The following BAIAP2L1 variants were observed in gnomAD, a reference collection of about 807,000 sequenced individuals.
BAIAP2L1 encodes BAR/IMD domain containing adaptor protein 2 like 1.
BAIAP2L1 carries 35 observed loss-of-function variants against 66.3 expected under a neutral mutation model. The observed-to-expected ratio is 0.53, with a 90% confidence interval of 0.40 to 0.70. BAIAP2L1 has a LOEUF of 0.70. BAIAP2L1 is among the 30% of genes least tolerant of loss of function. BAIAP2L1 has a pLI of 0.00. For missense variants in BAIAP2L1, 622 were observed against 656.9 expected, an observed-to-expected ratio of 0.95 and a Z score of 0.58; for synonymous variants, 269 against 248.7, an observed-to-expected ratio of 1.08 and a Z score of -0.77.
At chr7:98,328,972 T>C (rs1177303198) in intron 3 of BAIAP2L1, among the ~76,000 whole-genome samples, 1 of 152,210 alleles carries the variant, frequency 6.6e-6, no homozygotes, top group African/African-American at 2.4e-5. Flanking sequence ...TTTATTTTCC[T>C]CTATCTTTTA....
intron 3 of BAIAP2L1, among the ~76,000 whole-genome samples, chr7:98,323,790 GC>G (rs546118246): frequency 1.8e-4 from 27 of 152,328 alleles, no homozygotes; most frequent in African/African-American, 6.5e-4. Flanking sequence ...GCAGCTGGCC[GC>G]CGCGGAGTCA....
At chr7:98,368,221 C>T (rs1243017010) in intron 1 of BAIAP2L1, among the ~76,000 whole-genome samples, 1 of 152,060 alleles carries the variant, frequency 6.6e-6, no homozygotes, top group Non-Finnish European at 1.5e-5. Flanking sequence ...GAGTTCAAGA[C>T]CAGCCTGGCC....
intron 3 of BAIAP2L1, among the ~76,000 whole-genome samples, chr7:98,338,147 G>A (rs183917275): frequency 3.9e-5 from 6 of 152,092 alleles, no homozygotes; most frequent in South Asian, 2.1e-4. Flanking sequence ...AAGAGATGCC[G>A]TTAGGCGGGG....
intron 3 of BAIAP2L1, among the ~76,000 whole-genome samples, chr7:98,345,452 C>T (rs1255293341): frequency 1.3e-5 from 2 of 152,014 alleles, no homozygotes; most frequent in East Asian, 2.0e-4. Context: ...TGGCTGGGCA[C>T]GGTGGCTCAC....
At chr7:98,356,541 G>T (rs1400652196) in intron 2 of BAIAP2L1, among the ~76,000 whole-genome samples, 1 of 151,468 alleles carries the variant, frequency 6.6e-6, no homozygotes, top group Non-Finnish European at 1.5e-5. Context: ...CTTTCACCCA[G>T]GCTGGAGTGC....
At chr7:98,375,335 A>AG (rs2115779323) in intron 1 of BAIAP2L1, among the ~76,000 whole-genome samples, 1 of 149,710 alleles carries the variant, frequency 6.7e-6, no homozygotes, top group Non-Finnish European at 1.5e-5. Flanking sequence ...CGGAGGTTGC[A>AG]GTGAGCCGAC....
intron 10 of BAIAP2L1, 24 bp downstream of exon 10, chr7:98,307,665 G>C (rs374666080): frequency 6.2e-7 from 1 of 1,612,428 alleles, no homozygotes; most frequent in African/African-American, 1.3e-5. Flanking sequence ...GGTGCCCTGC[G>C]GGGACCATCA....
rs1160836941 is a variant in BAIAP2L1 at position 98,317,247 on chromosome 7, G to A, written c.458C>T (p.Ala153Val). 1 of 1,614,122 alleles carries A rather than the reference G, an allele frequency of 6.2e-7. No homozygotes were observed. Among genetic ancestry groups the A allele is most frequent in the Non-Finnish European group, 8.5e-7 (1 of 1,180,058 alleles). ...AATTTCTTTGTGTTCATATTTGAGT[G>A]CGTTTCGGCTTCCTTGGCTTTTCCT... ...IRRKSQGSRNALKYEHKEIEY... is the reference protein window; with the variant it reads ...IRRKSQGSRNVLKYEHKEIEY... The change falls in exon 6 of 14, where the codon GCA becomes GTA. Residue 153 changes from alanine to valine, a missense_variant. Transcript: ENST00000005260.
chr7:98,330,778 C>A (rs979789166), intron 3 of BAIAP2L1, among the ~76,000 whole-genome samples: 1 of 152,156 alleles, frequency 6.6e-6, no homozygotes, highest in Admixed American at 6.5e-5. Flanking sequence ...CAGAAGGCAA[C>A]GTGGGCACAG....
intron 2 of BAIAP2L1, 89 bp downstream of exon 2, chr7:98,362,268 T>TATTTAAAAATTCAATACTAAGC (rs1802284469): frequency 7.0e-6 from 7 of 993,504 alleles, no homozygotes; most frequent in Non-Finnish European, 1.1e-5. Flanking sequence ...CACTTAAAGG[T>TATTTAAAAATTCAATACTAAGC]ATTTAAAAAT....
intron 5 of BAIAP2L1, among the ~76,000 whole-genome samples, chr7:98,319,545 T>TG (rs1194447470): frequency 2.8e-5 from 4 of 143,312 alleles, no homozygotes; most frequent in African/African-American, 1.0e-4. Flanking sequence ...CTTTTTCCTA[T>TG]GCCTTTTTTT....
chr7:98,398,790 G>A (rs1453737107), intron 1 of BAIAP2L1, among the ~76,000 whole-genome samples: 7 of 152,116 alleles, frequency 4.6e-5, no homozygotes, highest in Non-Finnish European at 8.8e-5. Flanking sequence ...AGGAAGAAGC[G>A]GGAGAAAAAA....
intron 1 of BAIAP2L1, among the ~76,000 whole-genome samples, chr7:98,389,187 C>T (rs1482515816): frequency 6.6e-6 from 1 of 152,098 alleles, no homozygotes; most frequent in Non-Finnish European, 1.5e-5. Context: ...CTCCCCTCCC[C>T]CAACAGGCAG....
At chr7:98,324,895 TAA>T (rs1195032456) in intron 3 of BAIAP2L1, among the ~76,000 whole-genome samples, 6 of 152,220 alleles carry the variant, frequency 3.9e-5, no homozygotes, top group African/African-American at 1.2e-4. Flanking sequence ...CATGTAGGCA[TAA>T]AGATTCTTTC....
At chr7:98,388,724 A>G (rs139695555) in intron 1 of BAIAP2L1, among the ~76,000 whole-genome samples, 4,441 of 152,280 alleles carry the variant, frequency 0.029, 89 homozygotes, top group South Asian at 0.082. Context: ...CTGTAATCCC[A>G]GCACTTTGGG....
In BAIAP2L1 at chr7:98,312,283, A is replaced by G; in HGVS notation, c.640-19T>C. 6.3e-7 allele frequency: 1 copy of G among 1,584,814 alleles called. No homozygotes were observed. The highest frequency in any genetic ancestry group is 8.6e-7 in the Non-Finnish European group (1 of 1,168,670). The stretch of plus-strand genomic sequence containing the variant: ...CTGCAGACTGCAAAGCCAAAAGAAG[A>G]AGACTAAAGACAAAGAAGATTGTCT... On this transcript the variant is annotated intron_variant, in intron 7 of 13. Transcript: ENST00000005260.
chr7:98,307,968 C>A, intron 9 of BAIAP2L1, 72 bp from the exon 10 acceptor site: 4 of 1,386,688 alleles, frequency 2.9e-6, no homozygotes, highest in Non-Finnish European at 4.1e-6. Flanking sequence ...AATGAGCAAA[C>A]CCCAGGAATC....
At chr7:98,368,805 A>AT (rs35390626) in intron 1 of BAIAP2L1, among the ~76,000 whole-genome samples, 17,709 of 147,700 alleles carry the variant, frequency 0.12, 1,306 homozygotes, top group South Asian at 0.23. Flanking sequence ...ATCACTTTTT[A>AT]TTTTTTTTTT....
intron 3 of BAIAP2L1, among the ~76,000 whole-genome samples, chr7:98,339,388 T>C (rs571002257): frequency 6.6e-6 from 1 of 152,370 alleles, no homozygotes; most frequent in Non-Finnish European, 1.5e-5. Flanking sequence ...TCTTTTCATG[T>C]GCTTGTTGGC....
Sources: allele counts gnomAD v4.1 joint callset (sites outside exome capture counted in the v4.1 genomes callset), GRCh38; gene constraint gnomAD v4.1.1; transcripts MANE v1.5; gene names NCBI Gene and HGNC (gene_info 2026-07-23, HGNC 2026-07-21).